The following MAP2 variants were observed in gnomAD, a reference collection of about 807,000 sequenced individuals.
MAP2 encodes the protein microtubule-associated protein 2.
A neutral mutation model predicts 137.6 loss-of-function variants in MAP2; 14 were observed. The ratio of observed to expected loss-of-function variants is 0.10; its 90% CI spans 0.07 to 0.16. The LOEUF (loss-of-function observed/expected upper bound fraction) is 0.16, where lower values mean the gene tolerates loss of function less well. MAP2 is among the 10% of genes least tolerant of loss of function. MAP2 has a pLI of 1.00. For synonymous variants in MAP2, 786 were observed against 782.3 expected (o/e 1.00, Z -0.08); for missense variants, 2,088 against 2,191.5 (o/e 0.95, Z 0.94).
chr2:209,636,520 G>A (rs1201305579), intron 4 of MAP2, among the ~76,000 whole-genome samples: 1 of 150,344 alleles, frequency 6.7e-6, no homozygotes, highest in Non-Finnish European at 1.5e-5. Flanking sequence ...AAAGCAAGGG[G>A]GATTGAAAAT....
chr2:209,434,311 TA>T (rs1435291920), intron 1 of MAP2, among the ~76,000 whole-genome samples: 3 of 151,784 alleles, frequency 2.0e-5, no homozygotes, highest in African/African-American at 4.8e-5. Context: ...TAAACAAAAT[TA>T]TTATTTTTTT....
chr2:209,602,713 G>GA (rs2083351273), intron 3 of MAP2, among the ~76,000 whole-genome samples: 1 of 152,218 alleles, frequency 6.6e-6, no homozygotes, highest in Non-Finnish European at 1.5e-5. Flanking sequence ...GTTCTTCTGA[G>GA]AACGCTAGCG....
At chr2:209,610,355 G>A (rs910676736) in intron 3 of MAP2, among the ~76,000 whole-genome samples, 2 of 151,842 alleles carry the variant, frequency 1.3e-5, no homozygotes, top group African/African-American at 4.8e-5. Context: ...ACAAGGGAAG[G>A]GTTTTACTCA....
chr2:209,670,699 TCTC>T (rs1389497830), intron 5 of MAP2, among the ~76,000 whole-genome samples: 3 of 151,862 alleles, frequency 2.0e-5, no homozygotes, highest in African/African-American at 7.3e-5. Flanking sequence ...GAGGGAGAAT[TCTC>T]CTATGATTAT....
intron 2 of MAP2, among the ~76,000 whole-genome samples, chr2:209,539,346 A>G (rs780758374): frequency 2.0e-5 from 3 of 152,184 alleles, no homozygotes; most frequent in Non-Finnish European, 4.4e-5. Context: ...TTAATTATAT[A>G]TTTACCTCTG....
At chr2:209,704,074 A>G (rs777795762) in intron 11 of MAP2, 1 of 453,368 alleles carries the variant, frequency 2.2e-6, no homozygotes, top group South Asian at 1.6e-5. Flanking sequence ...AATAGTGAAC[A>G]TAGTTCCCAA....
chr2:209,569,849 A>G (rs878870366), intron 2 of MAP2, among the ~76,000 whole-genome samples: 4 of 151,856 alleles, frequency 2.6e-5, no homozygotes, highest in Admixed American at 1.3e-4. Flanking sequence ...TACTATTATC[A>G]TCTGTACTTC....
intron 2 of MAP2, among the ~76,000 whole-genome samples, chr2:209,560,960 A>G (rs1035533316): frequency 2.6e-5 from 4 of 152,210 alleles, no homozygotes; most frequent in African/African-American, 9.6e-5. Context: ...GATGATGCTT[A>G]GCATCTCATT....
At chr2:209,524,563 T>C (rs1339627949) in intron 2 of MAP2, among the ~76,000 whole-genome samples, 1 of 151,738 alleles carries the variant, frequency 6.6e-6, no homozygotes, top group Admixed American at 6.6e-5. Flanking sequence ...CACTATACAA[T>C]ATAATATGTT....
intron 13 of MAP2, among the ~76,000 whole-genome samples, chr2:209,713,457 A>C (rs1444726295): frequency 6.6e-6 from 1 of 152,166 alleles, no homozygotes; most frequent in African/African-American, 2.4e-5. Flanking sequence ...AGCTTTACAG[A>C]AGGCAATAAA....
At chr2:209,660,708 A>C (rs2043126986) in intron 5 of MAP2, among the ~76,000 whole-genome samples, 1 of 117,680 alleles carries the variant, frequency 8.5e-6, no homozygotes. Flanking sequence ...TGCAATTATT[A>C]TTATTATTAT....
intron 2 of MAP2, among the ~76,000 whole-genome samples, chr2:209,515,522 G>A (rs1227831842): frequency 6.6e-6 from 1 of 152,010 alleles, no homozygotes; most frequent in African/African-American, 2.4e-5. Context: ...GTGCGAGCAC[G>A]ATGAAGTGCC....
chr2:209,427,626 A>G (rs1692935463), intron 1 of MAP2, among the ~76,000 whole-genome samples: 1 of 152,102 alleles, frequency 6.6e-6, no homozygotes, highest in South Asian at 2.1e-4. Context: ...TACTCTCTTG[A>G]TACAAATTTG....
chr2:209,492,885 T>C (rs1449359083), intron 1 of MAP2, among the ~76,000 whole-genome samples: 1 of 152,198 alleles, frequency 6.6e-6, no homozygotes, highest in Non-Finnish European at 1.5e-5. Context: ...ATAGATTCAA[T>C]GCTACTCTCA....
Position 209,693,017 on chromosome 2 carries a change from C to G in MAP2, c.847C>G (p.Pro283Ala). 1 of 1,612,682 alleles carries G rather than the reference C, an allele frequency of 6.2e-7. No homozygotes were observed. The highest frequency in any genetic ancestry group is 8.5e-7 in the Non-Finnish European group (1 of 1,179,594). The change falls in exon 8 of 16, where the codon CCC becomes GCC. Residue 283 changes from proline to alanine, a missense_variant. Pro to Ala is a conservative substitution (Grantham distance 27). Coordinates refer to ENST00000682079, the MANE Select transcript of MAP2 (RefSeq NM_001375505.1). The part of the protein sequence containing the change: ...AKKDEWGLVA[P>A]ISPGPLTPMR... ...AAAGGATGAGTGGGGTTTAGTTGCC[C>G]CCATATCTCCTGGCCCTCTGACTCC...
intron 7 of MAP2, among the ~76,000 whole-genome samples, chr2:209,685,514 T>C (rs1055206605): frequency 1.3e-5 from 2 of 152,104 alleles, no homozygotes; most frequent in African/African-American, 4.8e-5. Flanking sequence ...GTAACGTAGA[T>C]GGACTTTAGG....
intron 2 of MAP2, among the ~76,000 whole-genome samples, chr2:209,525,238 A>G (rs1427481481): frequency 2.0e-5 from 3 of 152,186 alleles, no homozygotes; most frequent in Non-Finnish European, 4.4e-5. Flanking sequence ...GAGTCACAAA[A>G]CAACTAGCAA....
At chr2:209,561,539 TAAG>T (rs1235165872) in intron 2 of MAP2, among the ~76,000 whole-genome samples, 1 of 152,214 alleles carries the variant, frequency 6.6e-6, no homozygotes, top group Non-Finnish European at 1.5e-5. Flanking sequence ...ATGGAGGTAA[TAAG>T]AGGACATTCC....
intron 1 of MAP2, among the ~76,000 whole-genome samples, chr2:209,433,108 G>GGAAAAT (rs1208414894): frequency 6.6e-6 from 1 of 152,004 alleles, no homozygotes; most frequent in Non-Finnish European, 1.5e-5. Flanking sequence ...TTCTGAATGT[G>GGAAAAT]GAAAATATCA....
Sources: gnomAD v4.1 joint callset for allele counts (sites outside exome capture counted in the v4.1 genomes callset) on GRCh38, gnomAD v4.1.1 for gene constraint, MANE v1.5 for transcripts, NCBI Gene and HGNC (gene_info 2026-07-23, HGNC 2026-07-21) for gene names.